Variants in TEX11 observed in about 807,000 individuals in gnomAD.
The protein encoded by TEX11 is testis expressed 11, also known as testis-expressed protein 11.
Under a neutral mutation model 84.4 loss-of-function variants are expected in TEX11, and 7 were observed. That is an observed-to-expected ratio of 0.08 (90% confidence interval 0.05 to 0.16). TEX11 has a LOEUF of 0.16. Among genes scored for constraint, TEX11 ranks in the 10% least tolerant of loss-of-function variants. TEX11 has a pLI of 1.00. For missense variants in TEX11, 551 were observed against 660.5 expected, an observed-to-expected ratio of 0.83 and a Z score of 1.82; for synonymous variants, 264 against 222.8, an observed-to-expected ratio of 1.18 and a Z score of -1.64.
chrX:70,598,198 G>A (rs1250210428), intron 24 of TEX11, among the ~76,000 whole-genome samples: 2 of 111,709 alleles, frequency 1.8e-5, no homozygotes, highest in Admixed American at 1.9e-4. Context: ...ATAGATAAAT[G>A]CAAAAAGATT....
intron 9 of TEX11, among the ~76,000 whole-genome samples, chrX:70,789,072 C>G (rs193166097): frequency 1.1e-4 from 11 of 97,825 alleles, no homozygotes; most frequent in African/African-American, 3.8e-4. Context: ...TGGTGGCACA[C>G]ATCTATAATC....
the TEX11 span, among the ~76,000 whole-genome samples, chrX:70,513,200 A>T: frequency 9.4e-6 from 1 of 106,678 alleles, no homozygotes; most frequent in Non-Finnish European, 1.9e-5. Flanking sequence ...CTAAAAATAC[A>T]GAATTAGCCA....
At chrX:70,686,675 A>G (rs752026338) in intron 13 of TEX11, among the ~76,000 whole-genome samples, 2 of 99,271 alleles carry the variant, frequency 2.0e-5, no homozygotes, top group African/African-American at 7.1e-5. Context: ...CACGTTCTGC[A>G]CATGTATCCA....
At chrX:70,742,308 T>C (rs2147746398) in intron 10 of TEX11, among the ~76,000 whole-genome samples, 1 of 109,573 alleles carries the variant, frequency 9.1e-6, no homozygotes, top group Admixed American at 9.9e-5. Context: ...GTTAATTGAG[T>C]CTCACTGTTA....
chrX:70,800,770 G>A (rs1392396688), intron 9 of TEX11, among the ~76,000 whole-genome samples: 2 of 100,632 alleles, frequency 2.0e-5, no homozygotes, highest in African/African-American at 7.4e-5. Context: ...ATGACTCACT[G>A]CAGCCTCGAC....
In TEX11 at chrX:70,712,949, T is replaced by C. The variant is rs765862865; in HGVS notation, c.1004+9669A>G. Among the ~76,000 whole-genome samples the C allele has an allele frequency of 3.0e-3, 337 of 111,701 alleles. 1 individual carries two copies. The highest frequency in any genetic ancestry group is 0.01 in the African/African-American group (313 of 30,763). ...GGTTTGTCATAGATAGCTCTTATTA[T>C]TTTGAGATACATCCCATCAATACCT... On this transcript the variant is annotated intron_variant, in intron 13 of 29. Coordinates refer to ENST00000374333, the MANE Select transcript of TEX11 (RefSeq NM_031276.3).
At chrX:70,797,402 AC>A (rs2091161666) in intron 9 of TEX11, among the ~76,000 whole-genome samples, 1 of 111,512 alleles carries the variant, frequency 9.0e-6, no homozygotes, top group Non-Finnish European at 1.9e-5. Context: ...CAAAAATCTC[AC>A]AACCAAGGAA....
chrX:70,733,882 T>G (rs2090674896), intron 11 of TEX11, among the ~76,000 whole-genome samples: 1 of 111,264 alleles, frequency 9.0e-6, no homozygotes. Context: ...CTATTCACAA[T>G]AGCAAAGACT....
At chrX:70,728,454 C>A (rs1342499067) in intron 11 of TEX11, among the ~76,000 whole-genome samples, 1 of 112,852 alleles carries the variant, frequency 8.9e-6, no homozygotes, top group African/African-American at 3.2e-5. Context: ...AAAATCAGGT[C>A]ACTCCCACCA....
At chrX:70,804,971 CTTTTTTTTTT>C (rs748863855) in intron 9 of TEX11, among the ~76,000 whole-genome samples, 2 of 68,199 alleles carry the variant, frequency 2.9e-5, no homozygotes, top group African/African-American at 1.4e-4. Context: ...CACCAGCATC[CTTTTTTTTTT>C]TTTTTTTTTT....
intron 11 of TEX11, among the ~76,000 whole-genome samples, chrX:70,725,994 T>C (rs749707812): frequency 8.9e-6 from 1 of 112,405 alleles, no homozygotes; most frequent in South Asian, 3.7e-4. Flanking sequence ...CAGGTATTCA[T>C]ATGTGAGATG....
At chrX:70,755,141 C>T (rs943248240) in intron 9 of TEX11, among the ~76,000 whole-genome samples, 2 of 112,137 alleles carry the variant, frequency 1.8e-5, no homozygotes, top group Non-Finnish European at 3.8e-5. Context: ...CACCAGAAAC[C>T]AATCCTGGAG....
At chrX:70,777,762 AAAG>A (rs1250506773) in intron 9 of TEX11, among the ~76,000 whole-genome samples, 7 of 111,757 alleles carry the variant, frequency 6.3e-5, no homozygotes, top group Non-Finnish European at 9.4e-5. Context: ...CACACAAAAT[AAAG>A]AAGAAGGGAT....
intron 13 of TEX11, among the ~76,000 whole-genome samples, chrX:70,701,958 G>T (rs1285801853): frequency 8.9e-6 from 1 of 112,013 alleles, no homozygotes; most frequent in African/African-American, 3.2e-5. Flanking sequence ...GAATGGATGA[G>T]AAGTTGCTTC....
chrX:70,817,976 A>C (rs920607983), intron 8 of TEX11, among the ~76,000 whole-genome samples: 5 of 111,179 alleles, frequency 4.5e-5, no homozygotes, highest in African/African-American at 1.6e-4. Flanking sequence ...CCACAAAAGC[A>C]ATGATTTAAC....
chrX:70,813,287 G>C (rs4542102), intron 8 of TEX11, among the ~76,000 whole-genome samples: 1 of 111,466 alleles, frequency 9.0e-6, no homozygotes, highest in African/African-American at 3.3e-5. Flanking sequence ...TGCAAGGCTG[G>C]TTCAACATAC....
intron 13 of TEX11, 151 bp downstream of exon 13, chrX:70,722,467 G>T (rs910720152): frequency 4.7e-6 from 2 of 424,248 alleles, no homozygotes; most frequent in African/African-American, 2.6e-5. Context: ...TAGAGATGGG[G>T]TCTTGCTATA....
At chrX:70,622,316 T>C (rs376720917) in intron 20 of TEX11, among the ~76,000 whole-genome samples, 2 of 112,378 alleles carry the variant, frequency 1.8e-5, no homozygotes, top group East Asian at 5.5e-4. Flanking sequence ...CTAGAGGATG[T>C]TCTCTGTCAC....
intron 2 of TEX11, among the ~76,000 whole-genome samples, chrX:70,895,951 C>T (rs1176435152): frequency 8.9e-6 from 1 of 112,298 alleles, no homozygotes; most frequent in African/African-American, 3.2e-5. Context: ...CCACTCAGGA[C>T]ATGGGCATGG....
Sources: gnomAD v4.1 joint callset for allele counts (sites outside exome capture counted in the v4.1 genomes callset) on GRCh38, gnomAD v4.1.1 for gene constraint, MANE v1.5 for transcripts, NCBI Gene and HGNC (gene_info 2026-07-23, HGNC 2026-07-21) for gene names.